The following KNG1 variants were observed in gnomAD, a reference collection of about 807,000 sequenced individuals.
KNG1 encodes kininogen-1.
Under a neutral mutation model 47.8 loss-of-function variants are expected in KNG1, and 23 were observed. That is an observed-to-expected ratio of 0.48 (90% CI 0.35 to 0.68). The LOEUF is 0.68. KNG1 is among the 30% of genes least tolerant of loss of function. The pLI, the probability that KNG1 is intolerant of heterozygous loss-of-function variation, is 0.01. For missense variants in KNG1, 762 were observed against 790.2 expected (o/e 0.96, Z 0.43); for synonymous variants, 277 against 277.0 (o/e 1.00, Z 0.00).
rs761095864 is a variant in KNG1 at position 186,725,154 on chromosome 3, G to T, written c.458G>T (p.Ser153Ile). Residue 153 changes from serine (S) to isoleucine (I), a missense_variant, in exon 4 of 10, where the codon AGC (serine) becomes ATC (isoleucine). By Grantham distance (142) the Ser-to-Ile change is moderately radical. Coordinates refer to ENST00000644859, the MANE Select transcript of KNG1 (RefSeq NM_001102416.3). ...TGTGTGCATCCTATATCAACGCAGA[G>T]CCCAGACCTGGAGCCCATTCTGAGA... ...LGCVHPISTQ[S>I]PDLEPILRHG... is the part of the protein sequence containing the mutation. The T allele has an allele frequency of 6.2e-7, 1 of 1,614,118 alleles. No individual in the cohort carries two copies. The highest frequency in any genetic ancestry group is 2.2e-5 in the East Asian group (1 of 44,878).
In KNG1 at chr3:186,731,565, T is replaced by G; in HGVS notation, c.693T>G (p.Asp231Glu). 1.2e-6 allele frequency: 2 copies of G among 1,609,834 alleles called. No individual in the cohort carries two copies. Among genetic ancestry groups the G allele is most frequent in the Non-Finnish European group, 1.7e-6 (2 of 1,176,058 alleles). Reference sequence around the variant, plus strand: ...ACCAGGATACCGGTGAATGTACAGATAATGCATACATCGATATTCAGCTAC... The same window carrying G: ...ACCAGGATACCGGTGAATGTACAGAGAATGCATACATCGATATTCAGCTAC... ...LWNGDTGECT[D>E]NAYIDIQLRI... Residue 231 changes from aspartate to glutamate, a missense_variant, in exon 6 of 10, where the codon GAT (aspartate) becomes GAG (glutamate). Physicochemically the swap from Asp to Glu is conservative, Grantham distance 45. Transcript: ENST00000644859.
chr3:186,735,668 G>T (rs940100047), intron 7 of KNG1, among the ~76,000 whole-genome samples: 3 of 152,078 alleles, frequency 2.0e-5, no homozygotes, highest in Admixed American at 2.0e-4. Flanking sequence ...GGGTATGGTG[G>T]TATGTGCTTG....
At chr3:186,722,660 G>A (rs1720239277) in intron 3 of KNG1, 139 bp downstream of exon 3, 5 of 738,006 alleles carry the variant, frequency 6.8e-6, no homozygotes, top group Admixed American at 6.1e-5. Flanking sequence ...GGAGCATTGG[G>A]TGGAGCGGCA....
At chr3:186,725,046 T>C (rs373961482) in intron 3 of KNG1, 42 bp from the exon 4 acceptor site, 60 of 1,607,856 alleles carry the variant, frequency 3.7e-5, no homozygotes, top group Non-Finnish European at 4.9e-5. Context: ...CGAATGCTGA[T>C]TGCGATCATT....
chr3:186,732,578 G>A lies in KNG1; in HGVS notation c.834G>A (p.Leu278=). 6.2e-7 allele frequency: 1 copy of A among 1,614,064 alleles called. No individual in the cohort carries two copies. The highest frequency in any genetic ancestry group is 8.5e-7 in the Non-Finnish European group (1 of 1,179,922). ...PRDIPTNSPE[L]EETLTHTITK... The stretch of plus-strand genomic sequence containing the variant: ...ATATACCCACCAACAGCCCAGAGCT[G>A]GAGGAGACACTGACTCACACCATCA... Residue 278 remains leucine, a synonymous_variant, in exon 7 of 10, where the codon CTG becomes CTA. Transcript: ENST00000644859.
chr3:186,724,688 T>C (rs1463956265), intron 3 of KNG1, among the ~76,000 whole-genome samples: 1 of 151,678 alleles, frequency 6.6e-6, no homozygotes, highest in Non-Finnish European at 1.5e-5. Flanking sequence ...GCAAATATTG[T>C]TTTTCTTTCT....
chr3:186,743,455 T>G lies in KNG1; in HGVS notation c.*1124T>G, dbSNP rs1321172892. 2.0e-6 allele frequency: 1 copy of G among 504,108 alleles called. No individual in the cohort carries two copies. The highest frequency in any genetic ancestry group is 1.9e-5 in the African/African-American group (1 of 51,644). The allele number at this position is 504,108 out of a possible 1,614,324, so 31.2% of individuals were successfully genotyped here. A position where few individuals can be genotyped will look rare whatever the true frequency, so the allele number is the denominator to read the frequency against. On this transcript the variant is annotated 3_prime_UTR_variant, in exon 10 of 10. Coordinates refer to ENST00000644859, the MANE Select transcript of KNG1 (RefSeq NM_001102416.3). The stretch of plus-strand genomic sequence containing the variant: ...ATATGCTTTATAACCAATGTTGTAC[T>G]TTTGCCTAGAAAAACAAGATATGGC...
In KNG1 at chr3:186,739,171, G is replaced by C; in HGVS notation, c.1003G>C (p.Glu335Gln). The change falls in exon 8 of 10, where the codon GAG becomes CAG. Residue 335 changes from glutamate to glutamine, a missense_variant. Physicochemically the swap from Glu to Gln is conservative, Grantham distance 29. Transcript: ENST00000644859. ...ETTCSKESNE[E>Q]LTESCETKKL... ...CACATGTTCCAAGGAAAGTAATGAAGAGTTGACCGAAAGCTGTGAGACCAA... is the reference window on the plus strand; with the variant it reads ...CACATGTTCCAAGGAAAGTAATGAACAGTTGACCGAAAGCTGTGAGACCAA... 6.2e-7 allele frequency: 1 copy of C among 1,614,202 alleles called. No homozygotes were observed. Among genetic ancestry groups the C allele is most frequent in the Non-Finnish European group, 8.5e-7 (1 of 1,180,042 alleles).
chr3:186,730,683 AAT>A (rs200151975), intron 5 of KNG1, among the ~76,000 whole-genome samples: 1,382 of 38,946 alleles, frequency 0.035, 10 homozygotes, highest in East Asian at 0.07. Flanking sequence ...AAAAAAAAAA[AAT>A]ATATATATAT....
At chr3:186,732,722 A>T (rs1720569981) in intron 7 of KNG1, 48 bp downstream of exon 7, 3 of 1,489,760 alleles carry the variant, frequency 2.0e-6, no homozygotes, top group East Asian at 2.3e-5. Flanking sequence ...TCTATGTGCA[A>T]ATTGCTGACT....
chr3:186,730,512 C>T (rs986574567), intron 5 of KNG1, among the ~76,000 whole-genome samples: 6 of 151,172 alleles, frequency 4.0e-5, no homozygotes, highest in East Asian at 1.9e-4. Context: ...AAAAATTAGC[C>T]GGGTGTGGTG....
chr3:186,717,642 T>C lies in KNG1; in HGVS notation c.100T>C (p.Phe34Leu), dbSNP rs747120235. The C allele has an allele frequency of 1.9e-6, 3 of 1,613,318 alleles. No homozygotes were observed. The East Asian group carries it at 6.7e-5, about 36-fold the overall frequency. Residue 34 changes from phenylalanine (F) to leucine (L), a missense_variant, in exon 1 of 10, where the codon TTT becomes CTT. Transcript: ENST00000644859. ...AATTGACTGCAATGACAAGGATTTA[T>C]TTAAAGCTGTGGATGCTGCTCTGAA... ...EEIDCNDKDL[F>L]KAVDAALKKY...
chr3:186,718,815 T>C (rs1836860), intron 1 of KNG1, among the ~76,000 whole-genome samples: 52,444 of 152,022 alleles, frequency 0.34, 9,354 homozygotes, highest in South Asian at 0.43. Context: ...CTGAATGTAC[T>C]GGGTTTAACA....
chr3:186,730,655 CAAAAAAAAAAAAAAA>C (rs869232105), intron 5 of KNG1, among the ~76,000 whole-genome samples: 47 of 80,102 alleles, frequency 5.9e-4, no homozygotes, highest in East Asian at 2.2e-3. Context: ...GACTCCATCA[CAAAAAAAAAAAAAAA>C]AAAAAAAAAA....
rs749982041 is a variant in KNG1 at position 186,720,096 on chromosome 3, GC to G, written c.196-8del. 1.3e-5 allele frequency: 20 copies of G among 1,589,970 alleles called. No homozygotes were observed. Among genetic ancestry groups the G allele is most frequent in the Non-Finnish European group, 1.6e-5 (19 of 1,157,964 alleles). Reference sequence around the variant, plus strand: ...GGATGAACCCTAAGTATCTTTGGCTGCTTTTCAGGTTGGCTCTGACACGTTT... The same window carrying G: ...GGATGAACCCTAAGTATCTTTGGCTGTTTTCAGGTTGGCTCTGACACGTTT... On this transcript the variant is annotated splice_polypyrimidine_tract_variant and splice_region_variant and intron_variant, in intron 1 of 9. Coordinates refer to ENST00000644859, the MANE Select transcript of KNG1 (RefSeq NM_001102416.3).
intron 9 of KNG1, among the ~76,000 whole-genome samples, chr3:186,739,675 G>T (rs540689512): frequency 1.5e-4 from 23 of 152,320 alleles, no homozygotes; most frequent in African/African-American, 5.1e-4. Flanking sequence ...GTCCTGCTGT[G>T]GGGGAGCAAC....
At position 186,717,612 on chromosome 3, in the gene KNG1, G is replaced by C. The variant is rs145533184; in HGVS notation, c.70G>C (p.Glu24Gln). 1 of 1,612,918 alleles carries C rather than the reference G, an allele frequency of 6.2e-7. No homozygotes were observed. Among genetic ancestry groups the C allele is most frequent in the Non-Finnish European group, 8.5e-7 (1 of 1,179,370 alleles). Residue 24 changes from glutamate to glutamine, a missense_variant, in exon 1 of 10, where the codon GAG (glutamate) becomes CAG (glutamine). Coordinates refer to ENST00000644859, the MANE Select transcript of KNG1 (RefSeq NM_001102416.3). ...AAGTTTAACCCAGGAATCACAGTCC[G>C]AGGAAATTGACTGCAATGACAAGGA... is the stretch of plus-strand genomic sequence containing the variant. ...LLSLTQESQS[E>Q]EIDCNDKDLF...
At chr3:186,730,623 T>C (rs1487567928) in intron 5 of KNG1, among the ~76,000 whole-genome samples, 13 of 132,096 alleles carry the variant, frequency 9.8e-5, no homozygotes, top group African/African-American at 3.4e-4. Flanking sequence ...GCCACTGCAC[T>C]CCAGCCTTGG....
chr3:186,727,375 C>T (rs767335668), intron 5 of KNG1, 31 bp downstream of exon 5: 2 of 1,354,842 alleles, frequency 1.5e-6, no homozygotes, highest in South Asian at 2.3e-5. Context: ...TGATAAAGTT[C>T]TTAGCATTTT....
Sources: gnomAD v4.1 joint callset for allele counts (sites outside exome capture counted in the v4.1 genomes callset) on GRCh38, gnomAD v4.1.1 for gene constraint, MANE v1.5 for transcripts, NCBI Gene and HGNC (gene_info 2026-07-23, HGNC 2026-07-21) for gene names.